USP13: variants seen among roughly 807,000 people sequenced by gnomAD.
USP13 encodes ubiquitin carboxyl-terminal hydrolase 13.
Under a neutral mutation model 107.8 loss-of-function variants are expected in USP13, and 68 were observed. The observed-to-expected ratio is 0.63, with a 90% CI of 0.52 to 0.77. USP13 has a LOEUF of 0.77. Ranked by LOEUF, USP13 falls within the 30% of genes least tolerant of loss-of-function variation. The pLI, the probability that USP13 is intolerant of heterozygous loss-of-function variation, is 0.00. For missense variants in USP13, 945 were observed against 1,093.3 expected (o/e 0.86, Z 1.91); for synonymous variants, 377 against 389.5 (o/e 0.97, Z 0.38).
At chr3:179,744,873 G>A (rs1714339577) in intron 12 of USP13, among the ~76,000 whole-genome samples, 170 bp from the exon 13 acceptor site, 1 of 152,142 alleles carries the variant, frequency 6.6e-6, no homozygotes, top group African/African-American at 2.4e-5. Context: ...CAACTCTAAA[G>A]ACAGCCCCAG....
chr3:179,728,754 C>T (rs968104530), intron 8 of USP13, among the ~76,000 whole-genome samples: 3 of 152,196 alleles, frequency 2.0e-5, no homozygotes, highest in Admixed American at 6.5e-5. Context: ...CCGAGGCTGG[C>T]GGATCACTCG....
At chr3:179,750,420 A>T (rs1714571712) in intron 13 of USP13, among the ~76,000 whole-genome samples, 1 of 150,452 alleles carries the variant, frequency 6.6e-6, no homozygotes, top group African/African-American at 2.4e-5. Flanking sequence ...TTTAAATAAG[A>T]ATAATGTGTA....
chr3:179,699,176 C>G (rs1315161752), intron 3 of USP13, among the ~76,000 whole-genome samples: 1 of 151,998 alleles, frequency 6.6e-6, no homozygotes, highest in Non-Finnish European at 1.5e-5. Flanking sequence ...GGGTTGAATA[C>G]CTTTTTTTAT....
chr3:179,719,893 G>C, intron 6 of USP13, 47 bp from the exon 7 acceptor site: 1 of 1,526,234 alleles, frequency 6.6e-7, no homozygotes, highest in Non-Finnish European at 9.1e-7. Context: ...TGGATATTCA[G>C]TGACTTGATT....
At chr3:179,737,380 G>A (rs567779010) in intron 10 of USP13, among the ~76,000 whole-genome samples, 13 of 152,194 alleles carry the variant, frequency 8.5e-5, no homozygotes, top group African/African-American at 2.2e-4. Flanking sequence ...TGCCTGGCAC[G>A]TAGTCGGTAT....
chr3:179,708,308 A>AT (rs35675174), intron 5 of USP13, among the ~76,000 whole-genome samples: 200 of 142,526 alleles, frequency 1.4e-3, no homozygotes, highest in South Asian at 0.013. Flanking sequence ...AGGAACAATA[A>AT]TTTTTTTTTT....
intron 1 of USP13, among the ~76,000 whole-genome samples, chr3:179,673,953 C>T (rs1445345506): frequency 6.6e-5 from 10 of 152,288 alleles, no homozygotes; most frequent in South Asian, 2.1e-4. Context: ...AGTGCAATGG[C>T]GCGATCTTGG....
At chr3:179,666,110 G>A (rs1477409644) in intron 1 of USP13, among the ~76,000 whole-genome samples, 1 of 152,150 alleles carries the variant, frequency 6.6e-6, no homozygotes, top group Non-Finnish European at 1.5e-5. Flanking sequence ...GATTCCTGGG[G>A]AGACTGGAAG....
intron 1 of USP13, among the ~76,000 whole-genome samples, chr3:179,659,149 C>A (rs888652656): frequency 1.3e-5 from 2 of 152,122 alleles, no homozygotes; most frequent in African/African-American, 4.8e-5. Context: ...TCCTGGGAGT[C>A]TTTGGAAACT....
chr3:179,728,227 A>G (rs1304983316), intron 8 of USP13, among the ~76,000 whole-genome samples: 2 of 140,664 alleles, frequency 1.4e-5, no homozygotes, highest in African/African-American at 2.6e-5. Flanking sequence ...CTGCCAGACG[A>G]GGTGGCTGCC....
At chr3:179,757,639 T>C (rs1338780406) in intron 16 of USP13, among the ~76,000 whole-genome samples, 1 of 152,218 alleles carries the variant, frequency 6.6e-6, no homozygotes, top group African/African-American at 2.4e-5. Context: ...ATAGACAATA[T>C]TTAGATATTA....
intron 17 of USP13, among the ~76,000 whole-genome samples, chr3:179,762,686 T>A (rs1403211376): frequency 6.6e-6 from 1 of 152,224 alleles, no homozygotes; most frequent in Non-Finnish European, 1.5e-5. Context: ...ATTTTTTGGC[T>A]TTTATGAACA....
intron 13 of USP13, among the ~76,000 whole-genome samples, chr3:179,750,290 ATATATATGTGTGTGTAT>A (rs1714550408): frequency 2.3e-5 from 3 of 131,230 alleles, no homozygotes; most frequent in Non-Finnish European, 4.6e-5. Flanking sequence ...AATAATAAAT[ATATATATGTGTGTGTAT>A]ATATATATAT....
intron 16 of USP13, among the ~76,000 whole-genome samples, chr3:179,758,235 C>T (rs567371998): frequency 3.8e-4 from 58 of 152,206 alleles, no homozygotes; most frequent in African/African-American, 1.3e-3. Flanking sequence ...TGCCACTAGA[C>T]TATCCTGGCA....
chr3:179,688,213 C>CCAT lies in USP13; in HGVS notation c.295-2026_295-2024dup, dbSNP rs1202542373. 1.7e-4 allele frequency among the ~76,000 whole-genome samples: 24 copies of CCAT among 142,436 alleles called. 1 individual carries two copies. The South Asian group carries it at 3.8e-3, about 22-fold the overall frequency. 93.4% of individuals were successfully genotyped at this position (142,436 alleles called of 152,430 possible). A position where few individuals can be genotyped will look rare whatever the true frequency, so the allele number is the denominator to read the frequency against. On this transcript the variant is annotated intron_variant, in intron 2 of 20. Transcript: ENST00000263966. The stretch of plus-strand genomic sequence containing the variant: ...TTCATCAATCCATCCATCCATCCAT[C>CCAT]CATCCATCCATCCATCCATCCATCC...
In USP13 at chr3:179,682,328, A is replaced by G. The variant is rs538404182; in HGVS notation, c.294+325A>G. ...GATCCAAAAATCATAAAAAAAAACCATTTGAATGTTCCTGCTTCAGATGTG... is the reference window on the plus strand; with the variant it reads ...GATCCAAAAATCATAAAAAAAAACCGTTTGAATGTTCCTGCTTCAGATGTG... On this transcript the variant is annotated intron_variant, in intron 2 of 20. Transcript: ENST00000263966. Among the ~76,000 whole-genome samples, 285 of 150,340 alleles carry G rather than the reference A, an allele frequency of 1.9e-3. 3 individuals are homozygous for G. Among genetic ancestry groups the G allele is most frequent in the African/African-American group, 6.6e-3 (274 of 41,244 alleles).
chr3:179,659,797 G>A (rs1720403092), intron 1 of USP13, among the ~76,000 whole-genome samples: 1 of 152,168 alleles, frequency 6.6e-6, no homozygotes, highest in Non-Finnish European at 1.5e-5. Context: ...CCAGCACTTT[G>A]GGAGGCTGAG....
At chr3:179,754,611 C>T (rs1714722964) in intron 14 of USP13, 121 bp from the exon 15 acceptor site, 1 of 1,272,502 alleles carries the variant, frequency 7.9e-7, no homozygotes, top group Non-Finnish European at 1.0e-6. Flanking sequence ...GCAACATATT[C>T]TAGGGAATTG....
At chr3:179,746,257 A>T (rs1165257810) in intron 13 of USP13, among the ~76,000 whole-genome samples, 1 of 146,940 alleles carries the variant, frequency 6.8e-6, no homozygotes, top group Non-Finnish European at 1.5e-5. Context: ...ATATATAAGT[A>T]TTATATATAT....
Sources: gnomAD v4.1 joint callset for allele counts (sites outside exome capture counted in the v4.1 genomes callset) on GRCh38, gnomAD v4.1.1 for gene constraint, MANE v1.5 for transcripts, NCBI Gene and HGNC (gene_info 2026-07-23, HGNC 2026-07-21) for gene names.